OTUD7A: variants seen among roughly 807,000 people sequenced by gnomAD.
OTUD7A encodes OTU domain-containing protein 7A.
In OTUD7A, 12 loss-of-function variants were observed where a neutral mutation model predicts 65.7. That is an observed-to-expected ratio of 0.18 (90% CI 0.12 to 0.30). The LOEUF (loss-of-function observed/expected upper bound fraction) is 0.30. OTUD7A is among the 10% of genes least tolerant of loss of function. The pLI is 1.00. For synonymous variants in OTUD7A, 641 were observed against 586.3 expected, an observed-to-expected ratio of 1.09 and a Z score of -1.35; for missense variants, 1,148 against 1,304.8, an observed-to-expected ratio of 0.88 and a Z score of 1.85.
chr15:31,604,823 C>T (rs1890190647), intron 3 of OTUD7A, among the ~76,000 whole-genome samples: 1 of 152,124 alleles, frequency 6.6e-6, no homozygotes, highest in Non-Finnish European at 1.5e-5. Context: ...CAAGTGTGCT[C>T]AGGGCTTGTG....
intron 1 of OTUD7A, among the ~76,000 whole-genome samples, chr15:31,778,895 C>A (rs1375954241): frequency 6.6e-6 from 1 of 152,078 alleles, no homozygotes; most frequent in Non-Finnish European, 1.5e-5. Context: ...TAGTGGAATG[C>A]AGATCAATGC....
intron 1 of OTUD7A, chr15:31,766,159 A>T: frequency 6.8e-7 from 1 of 1,480,168 alleles, no homozygotes. Flanking sequence ...TGATCCATTA[A>T]GAAAGAAACT....
chr15:31,810,264 C>T (rs928030826), intron 1 of OTUD7A, among the ~76,000 whole-genome samples: 1 of 152,172 alleles, frequency 6.6e-6, no homozygotes, highest in Non-Finnish European at 1.5e-5. Flanking sequence ...ACCTGAAGAA[C>T]CAGTGGAGCC....
intron 3 of OTUD7A, chr15:31,649,878 G>A (rs1275790038): frequency 1.7e-5 from 5 of 301,852 alleles, no homozygotes; most frequent in South Asian, 1.3e-4. Context: ...AGTTGGAGGT[G>A]AGCGAGACAC....
chr15:31,845,452 T>A (rs948415165), intron 1 of OTUD7A, among the ~76,000 whole-genome samples: 1 of 152,208 alleles, frequency 6.6e-6, no homozygotes, highest in Non-Finnish European at 1.5e-5. Flanking sequence ...AGCCAATATT[T>A]ACATGCACCC....
intron 3 of OTUD7A, among the ~76,000 whole-genome samples, chr15:31,596,542 A>T (rs984715123): frequency 6.6e-6 from 1 of 152,172 alleles, no homozygotes; most frequent in African/African-American, 2.4e-5. Flanking sequence ...TGTATTTTTA[A>T]TTTTGTAAGA....
intron 9 of OTUD7A, among the ~76,000 whole-genome samples, chr15:31,502,575 C>T (rs2041485653): frequency 6.6e-6 from 1 of 152,186 alleles, no homozygotes; most frequent in Admixed American, 6.5e-5. Flanking sequence ...CCGCCATCCT[C>T]ACTTTGTCTA....
intron 3 of OTUD7A, among the ~76,000 whole-genome samples, chr15:31,616,670 G>A (rs1031823636): frequency 2.0e-5 from 3 of 151,998 alleles, no homozygotes; most frequent in Non-Finnish European, 2.9e-5. Context: ...TCAGCCTCCC[G>A]AGTACTGGGA....
At chr15:31,787,919 T>C (rs1895715947) in intron 1 of OTUD7A, among the ~76,000 whole-genome samples, 1 of 152,194 alleles carries the variant, frequency 6.6e-6, no homozygotes, top group African/African-American at 2.4e-5. Flanking sequence ...CCAAGCTTTG[T>C]TTAACATCAA....
chr15:31,797,942 G>T (rs1163213580), intron 1 of OTUD7A, among the ~76,000 whole-genome samples: 1 of 152,074 alleles, frequency 6.6e-6, no homozygotes, highest in Non-Finnish European at 1.5e-5. Context: ...TAAGATCAGG[G>T]TGTCAGCAGG....
At chr15:31,486,564 T>C (rs981088225) in intron 12 of OTUD7A, among the ~76,000 whole-genome samples, 3 of 151,786 alleles carry the variant, frequency 2.0e-5, no homozygotes, top group African/African-American at 2.4e-5. Context: ...ATCAGTCAGA[T>C]GCTTAAAATG....
intron 3 of OTUD7A, among the ~76,000 whole-genome samples, chr15:31,601,144 C>G (rs933273460): frequency 6.6e-6 from 1 of 152,162 alleles, no homozygotes; most frequent in Non-Finnish European, 1.5e-5. Context: ...CACCCCAAAT[C>G]GACAGAATAT....
Position 31,821,280 on chromosome 15 carries a change from CGTGT to C in OTUD7A, c.-100+49223_-100+49226del, listed in dbSNP as rs1567040920. Among the ~76,000 whole-genome samples, 466 of 143,736 alleles carry C rather than the reference CGTGT, an allele frequency of 3.2e-3. 3 individuals carry two copies. The highest frequency in any genetic ancestry group is 0.012 in the African/African-American group (453 of 39,334). The allele number at this position is 143,736 out of a possible 152,430, so 94.3% of individuals were successfully genotyped here. A position where few individuals can be genotyped will look rare whatever the true frequency, so the allele number is the denominator to read the frequency against. On this transcript the variant is annotated intron_variant, in intron 1 of 12. Transcript: ENST00000307050. ...CCTCCCGAGTAGCTGGGACTACAGG[CGTGT>C]GCCACCACGCCCAGGTACCTTTTTT...
chr15:31,490,078 A>G (rs764841399), intron 10 of OTUD7A, among the ~76,000 whole-genome samples: 7 of 152,250 alleles, frequency 4.6e-5, no homozygotes, highest in Non-Finnish European at 7.3e-5. Context: ...GCCCAGGGAC[A>G]GTTCCGGCCA....
At chr15:31,842,638 C>T (rs552246487) in intron 1 of OTUD7A, among the ~76,000 whole-genome samples, 1 of 152,270 alleles carries the variant, frequency 6.6e-6, no homozygotes, top group Non-Finnish European at 1.5e-5. Flanking sequence ...CACAAACGCA[C>T]TCTGAATTCT....
intron 5 of OTUD7A, among the ~76,000 whole-genome samples, chr15:31,552,092 G>A (rs1404337578): frequency 6.6e-6 from 1 of 152,170 alleles, no homozygotes; most frequent in Non-Finnish European, 1.5e-5. Context: ...GTTCCCATGA[G>A]ATGATTGTTA....
At chr15:31,549,329 A>G (rs1888243366) in intron 5 of OTUD7A, among the ~76,000 whole-genome samples, 1 of 152,200 alleles carries the variant, frequency 6.6e-6, no homozygotes, top group South Asian at 2.1e-4. Context: ...TAGAAGAATT[A>G]TCATACTGCA....
At chr15:31,814,199 C>T (rs1327771406) in intron 1 of OTUD7A, among the ~76,000 whole-genome samples, 1 of 152,242 alleles carries the variant, frequency 6.6e-6, no homozygotes, top group Non-Finnish European at 1.5e-5. Context: ...GAGCAGACCA[C>T]CCAACCACTG....
At chr15:31,586,065 C>G (rs35523973) in intron 3 of OTUD7A, among the ~76,000 whole-genome samples, 9,111 of 152,246 alleles carry the variant, frequency 0.06, 636 homozygotes, top group African/African-American at 0.17. Context: ...TGAGGCTACG[C>G]TGGTTCACCC....
Sources: allele counts gnomAD v4.1 joint callset (sites outside exome capture counted in the v4.1 genomes callset), GRCh38; gene constraint gnomAD v4.1.1; transcripts MANE v1.5; gene names NCBI Gene and HGNC (gene_info 2026-07-23, HGNC 2026-07-21).